MTSS1: variants seen among roughly 807,000 people sequenced by gnomAD.
MTSS1 encodes the protein protein MTSS 1.
MTSS1 carries 18 observed loss-of-function variants against 79.0 expected under a neutral mutation model. The ratio of observed to expected loss-of-function variants is 0.23; its 90% CI spans 0.16 to 0.34. The LOEUF (loss-of-function observed/expected upper bound fraction) is 0.34, where lower values mean the gene tolerates loss of function less well. Among genes scored for constraint, MTSS1 ranks in the 10% least tolerant of loss-of-function variants. MTSS1 has a pLI of 1.00. For missense variants in MTSS1, 815 were observed against 986.2 expected (o/e 0.83, Z 2.33); for synonymous variants, 341 against 368.6 (o/e 0.93, Z 0.86).
chr8:124,595,288 C>T (rs1259764450), intron 3 of MTSS1, among the ~76,000 whole-genome samples: 2 of 152,178 alleles, frequency 1.3e-5, no homozygotes, highest in East Asian at 3.8e-4. Context: ...TGACCACGAG[C>T]TTAGTGGCTT....
At chr8:124,714,896 T>G (rs2135673793) in intron 1 of MTSS1, among the ~76,000 whole-genome samples, 1 of 152,312 alleles carries the variant, frequency 6.6e-6, no homozygotes. Context: ...TACCTAGCAT[T>G]TGTATAAGCT....
At chr8:124,646,366 T>C (rs1002717675) in intron 3 of MTSS1, among the ~76,000 whole-genome samples, 4 of 152,162 alleles carry the variant, frequency 2.6e-5, no homozygotes, top group African/African-American at 9.7e-5. Flanking sequence ...TAAATGACCA[T>C]AGAGTCATTT....
At chr8:124,591,275 T>C (rs1381161381) in intron 3 of MTSS1, 40 bp from the exon 4 acceptor site, 1 of 1,534,398 alleles carries the variant, frequency 6.5e-7, no homozygotes, top group South Asian at 1.1e-5. Flanking sequence ...GATAGAAGAC[T>C]AGCAGGGATC....
rs1826540791 is a variant in MTSS1, at chr8:124,683,942, G to A, written c.208+15584C>T. Among the ~76,000 whole-genome samples, 1 of 152,086 alleles carries A rather than the reference G, an allele frequency of 6.6e-6. No individual in the cohort carries two copies. Among genetic ancestry groups the A allele is most frequent in the African/African-American group, 2.4e-5 (1 of 41,402 alleles). The stretch of plus-strand genomic sequence containing the variant: ...CAAGGAGACCGAAAAAGTGACCTGG[G>A]CCATAGGATTCTCAAATACTGATCA... On this transcript the variant is annotated intron_variant, in intron 3 of 13. Transcript: ENST00000518547. This position sits in a 1 kb window ranked among gnomAD's most constrained non-coding sequence, Gnocchi z 4.5.
chr8:124,708,225 AC>A (rs1830666914), intron 1 of MTSS1, among the ~76,000 whole-genome samples: 1 of 152,164 alleles, frequency 6.6e-6, no homozygotes, highest in African/African-American at 2.4e-5. Flanking sequence ...GGTTTAAGTC[AC>A]ATCTTCACAG....
At chr8:124,636,171 C>T (rs937957797) in intron 3 of MTSS1, among the ~76,000 whole-genome samples, 2 of 152,180 alleles carry the variant, frequency 1.3e-5, no homozygotes, top group African/African-American at 4.8e-5. Context: ...CCTCTGTCGC[C>T]CAGGCTGGAG....
At position 124,720,330 on chromosome 8, in the gene MTSS1, A is replaced by G. The variant is rs372133309; in HGVS notation, c.72+7554T>C. The stretch of plus-strand genomic sequence containing the variant: ...AAGGCAGGACTGCCACATTCGGCCC[A>G]TGGGAAGAACCCAGATGTGGCCAAG... On this transcript the variant is annotated intron_variant, in intron 1 of 13. Coordinates refer to ENST00000518547, the MANE Select transcript of MTSS1 (RefSeq NM_014751.6). Among the ~76,000 whole-genome samples the G allele has an allele frequency of 2.1e-4, 32 of 152,352 alleles. No individual in the cohort carries two copies. The East Asian group carries it at 6.2e-3, about 29-fold the overall frequency.
intron 3 of MTSS1, among the ~76,000 whole-genome samples, chr8:124,631,206 C>T (rs1363434803): frequency 2.0e-5 from 3 of 152,198 alleles, no homozygotes; most frequent in African/African-American, 7.2e-5. Flanking sequence ...CAGGCCAGGT[C>T]TCCTGGACTC....
At chr8:124,577,646 C>G (rs1403846344) in intron 6 of MTSS1, 3 of 518,658 alleles carry the variant, frequency 5.8e-6, no homozygotes, top group Non-Finnish European at 1.2e-5. Flanking sequence ...CCTGCTTCCA[C>G]CCAGACAGAA....
intron 3 of MTSS1, among the ~76,000 whole-genome samples, chr8:124,640,229 G>A (rs1427803654): frequency 2.0e-5 from 3 of 152,200 alleles, no homozygotes; most frequent in Non-Finnish European, 2.9e-5. Flanking sequence ...GCTGAGAAAC[G>A]CAGTCACTCT....
intron 3 of MTSS1, among the ~76,000 whole-genome samples, chr8:124,591,584 T>C (rs1480625801): frequency 2.0e-5 from 3 of 152,208 alleles, no homozygotes; most frequent in African/African-American, 7.2e-5. Flanking sequence ...GTTTGAAAAA[T>C]ACTTCTCATG....
chr8:124,714,441 C>T (rs1831620277), intron 1 of MTSS1, among the ~76,000 whole-genome samples: 1 of 152,030 alleles, frequency 6.6e-6, no homozygotes, highest in Admixed American at 6.6e-5. Context: ...GTTAATTGCT[C>T]CTGAGTTTGC....
chr8:124,652,805 A>AC (rs1820229555), intron 3 of MTSS1, among the ~76,000 whole-genome samples: 2 of 151,948 alleles, frequency 1.3e-5, no homozygotes, highest in Admixed American at 1.3e-4. Flanking sequence ...AAAAAAAAAA[A>AC]AAAAAAAACA....
At chr8:124,706,481 T>C (rs1232125037) in intron 1 of MTSS1, among the ~76,000 whole-genome samples, 1 of 152,268 alleles carries the variant, frequency 6.6e-6, no homozygotes, top group Non-Finnish European at 1.5e-5. Flanking sequence ...CGCATGCTGC[T>C]ACACCACATT....
At chr8:124,697,428 C>T (rs908405137) in intron 3 of MTSS1, among the ~76,000 whole-genome samples, 10 of 151,926 alleles carry the variant, frequency 6.6e-5, no homozygotes, top group Non-Finnish European at 1.5e-4. Context: ...GGCGTGGTGG[C>T]ACATGCCTGT....
intron 3 of MTSS1, among the ~76,000 whole-genome samples, chr8:124,636,160 C>T (rs1292516417): frequency 1.3e-5 from 2 of 152,154 alleles, no homozygotes; most frequent in Non-Finnish European, 2.9e-5. Context: ...GATGGAGTCT[C>T]CCTCTGTCGC....
intron 1 of MTSS1, among the ~76,000 whole-genome samples, chr8:124,713,430 T>C (rs963485922): frequency 2.0e-5 from 3 of 152,218 alleles, no homozygotes; most frequent in Non-Finnish European, 2.9e-5. Context: ...TTCCCCAATT[T>C]TGGGTTTGTT....
chr8:124,666,737 T>A (rs1427354700), intron 3 of MTSS1, among the ~76,000 whole-genome samples: 1 of 152,076 alleles, frequency 6.6e-6, no homozygotes, highest in Non-Finnish European at 1.5e-5. Context: ...GGAGGGGTCA[T>A]CAGCGCAGAG....
chr8:124,727,819 G>C lies in MTSS1; in HGVS notation c.72+65C>G. 1 of 1,402,598 alleles carries C rather than the reference G, an allele frequency of 7.1e-7. No individual in the cohort carries two copies. Among genetic ancestry groups the C allele is most frequent in the East Asian group, 2.8e-5 (1 of 35,312 alleles). 86.9% of individuals were successfully genotyped at this position (1,402,598 alleles called of 1,614,324 possible). On this transcript the variant is annotated intron_variant, in intron 1 of 13. Transcript: ENST00000518547. This position sits in a 1 kb window ranked among gnomAD's most constrained non-coding sequence, Gnocchi z 4.7. ...GCCGGGTGCCCGGCCCGGGGTGGAG[G>C]CGAAGCGCGGCGGCGAGGTCAGAGC...
Sources: gnomAD v4.1 joint callset for allele counts (sites outside exome capture counted in the v4.1 genomes callset) on GRCh38, gnomAD v4.1.1 for gene constraint, Gnocchi (gnomAD v3.1) non-coding constraint, MANE v1.5 for transcripts, NCBI Gene and HGNC (gene_info 2026-07-23, HGNC 2026-07-21) for gene names.